SCAND3: variants seen among roughly 807,000 people sequenced by gnomAD.
SCAND3 encodes SCAN domain containing 3.
At chr6:28,600,978 C>T in the SCAND3 span, among the ~76,000 whole-genome samples, 48 of 150,212 alleles carry the variant, frequency 3.2e-4, no homozygotes, top group South Asian at 6.0e-3. Flanking sequence ...CTCGGCTCAC[C>T]GCAAGCTCCA....
At chr6:28,604,804 T>G in the SCAND3 span, among the ~76,000 whole-genome samples, 58 of 152,216 alleles carry the variant, frequency 3.8e-4, no homozygotes, top group Non-Finnish European at 6.8e-4. Context: ...GGTTTCAGTA[T>G]GACTTTTTGT....
chr6:28,598,870 A>C, the SCAND3 span, among the ~76,000 whole-genome samples: 37 of 109,408 alleles, frequency 3.4e-4, no homozygotes, highest in South Asian at 6.7e-3. Flanking sequence ...GAGTGAGACT[A>C]TGTCTCAAAA....
At chr6:28,607,883 T>A in the SCAND3 span, among the ~76,000 whole-genome samples, 2 of 152,080 alleles carry the variant, frequency 1.3e-5, no homozygotes, top group South Asian at 2.1e-4. Context: ...TTCAAGAAAA[T>A]TTCAGTAAAA....
At chr6:28,582,046 C>T in the SCAND3 span, among the ~76,000 whole-genome samples, 2 of 152,188 alleles carry the variant, frequency 1.3e-5, no homozygotes, top group African/African-American at 4.8e-5. The surrounding 1 kb of genome is among the most constrained non-coding windows in gnomAD (Gnocchi z 4.8). Context: ...AACTATCAAA[C>T]ATGATCAGCG....
the SCAND3 span, among the ~76,000 whole-genome samples, chr6:28,580,919 C>G: frequency 6.6e-6 from 1 of 151,882 alleles, no homozygotes; most frequent in Non-Finnish European, 1.5e-5. Context: ...ACTTCTGCCT[C>G]TACCACAGAA....
the SCAND3 span, chr6:28,587,587 C>A: frequency 6.6e-6 from 1 of 152,364 alleles, no homozygotes; most frequent in East Asian, 1.9e-4. Context: ...GTGGTGCTCA[C>A]CGCAGCGACC....
At chr6:28,571,357 C>T in the SCAND3 span, 1 of 152,524 alleles carries the variant, frequency 6.6e-6, no homozygotes, top group African/African-American at 2.4e-5. Flanking sequence ...AATCCAAGGC[C>T]ATAACACCAT....
At chr6:28,615,782 A>G in the SCAND3 span, among the ~76,000 whole-genome samples, 2 of 152,132 alleles carry the variant, frequency 1.3e-5, no homozygotes, top group Non-Finnish European at 2.9e-5. Context: ...TCCATGTCCT[A>G]GTCTAACCCA....
At chr6:28,571,642 T>C in the SCAND3 span, 3 of 351,106 alleles carry the variant, frequency 8.5e-6, no homozygotes, top group Non-Finnish European at 1.5e-5. Flanking sequence ...AGATCAAATG[T>C]TTTAATATTA....
chr6:28,602,956 A>ATTTTTTTTTTTTTTTTT, the SCAND3 span, among the ~76,000 whole-genome samples: 1 of 94,458 alleles, frequency 1.1e-5, no homozygotes, highest in Non-Finnish European at 1.9e-5. Context: ...CCAAAAAAAA[A>ATTTTTTTTTTTTTTTTT]TTTTTTTTTT....
chr6:28,579,898 A>G, the SCAND3 span, among the ~76,000 whole-genome samples: 2 of 152,172 alleles, frequency 1.3e-5, no homozygotes, highest in Non-Finnish European at 1.5e-5. The surrounding 1 kb of genome is among the most constrained non-coding windows in gnomAD (Gnocchi z 4.5). Context: ...AATAATGCAG[A>G]TTCACCAGGC....
chr6:28,586,782 A>C, the SCAND3 span: 1 of 1,413,384 alleles, frequency 7.1e-7, no homozygotes, highest in Non-Finnish European at 9.6e-7. The surrounding 1 kb of genome is among the most constrained non-coding windows in gnomAD (Gnocchi z 4.4). Flanking sequence ...GGGTGATTTT[A>C]CTTGAGCTCC....
chr6:28,577,095 A>G, the SCAND3 span, among the ~76,000 whole-genome samples: 2 of 152,124 alleles, frequency 1.3e-5, no homozygotes, highest in Non-Finnish European at 2.9e-5. Flanking sequence ...ACTCAATACA[A>G]ATAGCTTCAT....
At chr6:28,600,351 G>A in the SCAND3 span, among the ~76,000 whole-genome samples, 2 of 152,174 alleles carry the variant, frequency 1.3e-5, no homozygotes, top group African/African-American at 4.8e-5. Flanking sequence ...CAAAACAGCA[G>A]GTGGGGAGTG....
At chr6:28,597,344 G>A in the SCAND3 span, among the ~76,000 whole-genome samples, 47 of 152,288 alleles carry the variant, frequency 3.1e-4, no homozygotes, top group African/African-American at 9.6e-4. Context: ...CAGAAACGAC[G>A]AGGATGGGAT....
chr6:28,595,330 CAAAAAAAA>C, the SCAND3 span, among the ~76,000 whole-genome samples: 1 of 37,330 alleles, frequency 2.7e-5, no homozygotes, highest in Non-Finnish European at 5.3e-5. Flanking sequence ...AACCCAGTCT[CAAAAAAAA>C]AAAAAAAAAA....
the SCAND3 span, chr6:28,586,282 A>T: frequency 6.4e-7 from 1 of 1,570,574 alleles, no homozygotes; most frequent in Non-Finnish European, 8.6e-7. This position sits in a 1 kb window ranked among gnomAD's most constrained non-coding sequence, Gnocchi z 4.4. Flanking sequence ...AGAAGATGGC[A>T]CCTCCAATTT....
the SCAND3 span, among the ~76,000 whole-genome samples, chr6:28,606,157 C>T: frequency 1.3e-5 from 2 of 151,952 alleles, no homozygotes; most frequent in Non-Finnish European, 2.9e-5. Flanking sequence ...ATGTATGCAA[C>T]GTACAGGAGA....
chr6:28,574,860 A>G, the SCAND3 span: 1 of 1,613,934 alleles, frequency 6.2e-7, no homozygotes, highest in Non-Finnish European at 8.5e-7. Context: ...ATGATATACA[A>G]CTATTAACAC....
Sources: allele counts gnomAD v4.1 joint callset (sites outside exome capture counted in the v4.1 genomes callset), GRCh38; gene constraint gnomAD v4.1.1; non-coding constraint Gnocchi (gnomAD v3.1); transcripts MANE v1.5; gene names NCBI Gene and HGNC (gene_info 2026-07-23, HGNC 2026-07-21).